RTN4: variants seen among roughly 807,000 people sequenced by gnomAD.
RTN4 encodes reticulon-4.
RTN4 carries 32 observed loss-of-function variants against 90.4 expected under a neutral mutation model. The ratio of observed to expected loss-of-function variants is 0.35; its 90% CI spans 0.27 to 0.48. RTN4 has a LOEUF of 0.48. RTN4 is among the 20% of genes least tolerant of loss of function. The probability of loss-of-function intolerance (pLI) is 0.99; values close to 1 mark genes in which losing one functional copy is unlikely to be tolerated. For missense variants in RTN4, 1,706 were observed against 1,430.2 expected, an observed-to-expected ratio of 1.19 and a Z score of -3.11; for synonymous variants, 629 against 552.5, an observed-to-expected ratio of 1.14 and a Z score of -1.94.
intron 5 of RTN4, among the ~76,000 whole-genome samples, chr2:54,980,996 C>T (rs1678073866): frequency 1.3e-5 from 2 of 152,306 alleles, no homozygotes; most frequent in Admixed American, 1.3e-4. Flanking sequence ...CCAAGCATGC[C>T]AAACAACATA....
chr2:55,091,586 G>A (rs1668935740), intron 1 of RTN4, among the ~76,000 whole-genome samples: 2 of 152,204 alleles, frequency 1.3e-5, no homozygotes, highest in Non-Finnish European at 2.9e-5. Context: ...CCAGTACTGT[G>A]GGAGGCCGAG....
chr2:55,010,120 T>C (rs200006316), intron 3 of RTN4: 1 of 1,613,500 alleles, frequency 6.2e-7, no homozygotes, highest in Non-Finnish European at 8.5e-7. Context: ...TGACCGTCCA[T>C]CTCTTGTCAC....
At chr2:55,031,029 T>G (rs755985099) in intron 1 of RTN4, among the ~76,000 whole-genome samples, 1 of 152,128 alleles carries the variant, frequency 6.6e-6, no homozygotes, top group African/African-American at 2.4e-5. Context: ...CCCTGTAAGG[T>G]AGGTACTACT....
chr2:55,002,972 G>C (rs1198522601), intron 3 of RTN4, among the ~76,000 whole-genome samples: 2 of 152,062 alleles, frequency 1.3e-5, no homozygotes, highest in African/African-American at 4.8e-5. Flanking sequence ...TTTCCTTCTT[G>C]TTGGCCCATC....
chr2:55,015,838 TC>T (rs1680993504), intron 3 of RTN4, among the ~76,000 whole-genome samples: 1 of 152,196 alleles, frequency 6.6e-6, no homozygotes, highest in South Asian at 2.1e-4. Flanking sequence ...AAAAATATTA[TC>T]TATCAAAAAA....
intron 3 of RTN4, among the ~76,000 whole-genome samples, chr2:55,024,830 T>A (rs1681698385): frequency 6.6e-6 from 1 of 152,146 alleles, no homozygotes; most frequent in Admixed American, 6.6e-5. Context: ...CCAATTCTTA[T>A]AAACAAAAAT....
chr2:55,005,478 C>A (rs1680145355), intron 3 of RTN4, among the ~76,000 whole-genome samples: 1 of 152,148 alleles, frequency 6.6e-6, no homozygotes, highest in Non-Finnish European at 1.5e-5. Flanking sequence ...TAACCTTAGC[C>A]ACAGATCCAT....
At chr2:54,977,776 T>C (rs1328008896) in intron 5 of RTN4, among the ~76,000 whole-genome samples, 5 of 152,234 alleles carry the variant, frequency 3.3e-5, no homozygotes, top group Non-Finnish European at 7.3e-5. Flanking sequence ...ACTCTATAAA[T>C]ACTTGAAATC....
intron 1 of RTN4, among the ~76,000 whole-genome samples, chr2:55,047,052 C>G (rs568295633): frequency 6.4e-4 from 97 of 152,292 alleles, no homozygotes; most frequent in Non-Finnish European, 9.0e-4. Flanking sequence ...TGTGGCCAGG[C>G]GCAGTGGCTC....
At chr2:55,115,068 A>G (rs1274441106), upstream of RTN4, among the ~76,000 whole-genome samples, 2 of 151,984 alleles carry the variant, frequency 1.3e-5, no homozygotes, top group African/African-American at 4.9e-5. Flanking sequence ...TTTCCAAATC[A>G]TATTCTTGGT....
chr2:55,076,372 C>G (rs1464285584), intron 2 of RTN4, among the ~76,000 whole-genome samples: 1 of 150,840 alleles, frequency 6.6e-6, no homozygotes, highest in East Asian at 1.9e-4. Flanking sequence ...TGTGTCCCCA[C>G]CCAAATTTCT....
Position 55,025,926 on chromosome 2 carries a change from C to T in RTN4, c.2173G>A (p.Glu725Lys), listed in dbSNP as rs147845919. Reference protein sequence around the residue: ...FSDYSEMAKVEQPVPDHSELV... With the variant: ...FSDYSEMAKVKQPVPDHSELV... Reference sequence around the variant, plus strand: ...TCAGAATGATCAGGCACTGGCTGTTCAACTTTTGCCATTTCTGAATAATCA... The same window carrying T: ...TCAGAATGATCAGGCACTGGCTGTTTAACTTTTGCCATTTCTGAATAATCA... Residue 725 changes from glutamate (E) to lysine (K), a missense_variant, in exon 3 of 9, where the codon GAA (glutamate) becomes AAA (lysine). Glu to Lys is a moderately conservative substitution (Grantham distance 56). Coordinates refer to ENST00000337526, the MANE Select transcript of RTN4 (RefSeq NM_020532.5). 2,083 of 1,612,852 alleles carry T rather than the reference C, an allele frequency of 1.3e-3. 7 individuals are homozygous for T. The highest frequency in any genetic ancestry group is 7.6e-3 in the African/African-American group (572 of 74,976).
Position 55,025,982 on chromosome 2 carries a change from T to C in RTN4, c.2117A>G (p.Lys706Arg). 1.2e-6 allele frequency: 2 copies of C among 1,612,820 alleles called. No individual in the cohort carries two copies. The highest frequency in any genetic ancestry group is 1.7e-6 in the Non-Finnish European group (2 of 1,179,796). The change falls in exon 3 of 9, where the codon AAG (lysine) becomes AGG (arginine). Residue 706 changes from lysine (K) to arginine (R), a missense_variant. Coordinates refer to ENST00000337526, the MANE Select transcript of RTN4 (RefSeq NM_020532.5). ...SIACDLIKET[K>R]LSAEPAPDFS... ...ATCCGGAGCTGGTTCAGCAGAAAGC[T>C]TTGTTTCTTTAATTAAATCACATGC... is the stretch of plus-strand genomic sequence containing the variant.
chr2:55,077,051 C>T (rs1391396397), intron 2 of RTN4, among the ~76,000 whole-genome samples: 1 of 149,200 alleles, frequency 6.7e-6, no homozygotes, highest in African/African-American at 2.5e-5. Context: ...GTCGCTCTGT[C>T]GTCCAGGTTG....
At position 55,026,200 on chromosome 2, in the gene RTN4, C is replaced by T. The variant is rs200977252; in HGVS notation, c.1899G>A (p.Gln633=). The change falls in exon 3 of 9, where the codon CAG becomes CAA. Residue 633 remains glutamine (Q), a synonymous_variant. Transcript: ENST00000337526. The stretch of plus-strand genomic sequence containing the variant: ...AAGCTTCTAATGGTGATGAGCTGGG[C>T]TGTATCACGGAAGCACCAGCACTAG... ...AVPSAGASVI[Q]PSSSPLEASS... The T allele has an allele frequency of 6.8e-6, 11 of 1,613,498 alleles. No individual in the cohort carries two copies. The highest frequency in any genetic ancestry group is 2.2e-5 in the East Asian group (1 of 44,872).
upstream of RTN4, chr2:55,050,575 C>G (rs889932276): frequency 3.4e-6 from 1 of 297,068 alleles, no homozygotes; most frequent in African/African-American, 2.2e-5. The surrounding 1 kb of genome is among the most constrained non-coding windows in gnomAD (Gnocchi z 4.6). Context: ...CGTGACTCAC[C>G]CTCCCCAGGG....
At chr2:54,999,572 T>G (rs894106888) in intron 3 of RTN4, among the ~76,000 whole-genome samples, 3 of 152,142 alleles carry the variant, frequency 2.0e-5, no homozygotes, top group Admixed American at 2.0e-4. Flanking sequence ...TATTAAGTTC[T>G]CTTTAATAAT....
At chr2:55,052,400 T>C (rs6760379), upstream of RTN4, among the ~76,000 whole-genome samples, 44,570 of 152,028 alleles carry the variant, frequency 0.29, 6,729 homozygotes, top group African/African-American at 0.35. Flanking sequence ...TTATGAACCT[T>C]TAAAAAAGGA....
the RTN4 span, among the ~76,000 whole-genome samples, chr2:55,126,726 G>A: frequency 6.6e-6 from 1 of 152,180 alleles, no homozygotes; most frequent in Non-Finnish European, 1.5e-5. Flanking sequence ...ACATGCATGT[G>A]AATGTTCACT....
Sources: gnomAD v4.1 joint callset for allele counts (sites outside exome capture counted in the v4.1 genomes callset) on GRCh38, gnomAD v4.1.1 for gene constraint, Gnocchi (gnomAD v3.1) non-coding constraint, MANE v1.5 for transcripts, NCBI Gene and HGNC (gene_info 2026-07-23, HGNC 2026-07-21) for gene names.